Variants in DCBLD2 observed in about 807,000 individuals in gnomAD.
DCBLD2 encodes the protein discoidin, CUB and LCCL domain containing 2.
In DCBLD2, 54 loss-of-function variants were observed where a neutral mutation model predicts 86.8. That is an observed-to-expected ratio of 0.62 (90% CI 0.50 to 0.78). The LOEUF (loss-of-function observed/expected upper bound fraction) is 0.78, where lower values mean the gene tolerates loss of function less well. Among genes scored for constraint, DCBLD2 ranks in the 30% least tolerant of loss-of-function variants. The probability of loss-of-function intolerance (pLI) is 0.00; values close to 1 mark genes in which losing one functional copy is unlikely to be tolerated. For synonymous variants in DCBLD2, 354 were observed against 341.3 expected, an observed-to-expected ratio of 1.04 and a Z score of -0.41; for missense variants, 908 against 954.2, an observed-to-expected ratio of 0.95 and a Z score of 0.64.
chr3:98,887,520 A>T (rs1318031416), intron 1 of DCBLD2, among the ~76,000 whole-genome samples: 2 of 152,024 alleles, frequency 1.3e-5, no homozygotes, highest in Non-Finnish European at 1.5e-5. Flanking sequence ...TGTCCTCTTT[A>T]GCCCTGGTAA....
intron 2 of DCBLD2, among the ~76,000 whole-genome samples, chr3:98,878,524 T>G (rs905470619): frequency 1.3e-5 from 2 of 152,238 alleles, no homozygotes; most frequent in Non-Finnish European, 2.9e-5. Flanking sequence ...AGTGACATTA[T>G]CCCTGAAATC....
Position 98,834,506 on chromosome 3 carries a change from T to C in DCBLD2, c.572-9140A>G, listed in dbSNP as rs551039691. 1.8e-4 allele frequency among the ~76,000 whole-genome samples: 27 copies of C among 152,310 alleles called. No individual in the cohort carries two copies. The East Asian group carries it at 5.0e-3, about 28-fold the overall frequency. ...ACCACCAGTCTATTCTCTAACTTCA[T>C]GAGATTTACGTTTTTAGCTCCCAAA... is the stretch of plus-strand genomic sequence containing the variant. On this transcript the variant is annotated intron_variant, in intron 3 of 15. Transcript: ENST00000326840.
intron 2 of DCBLD2, among the ~76,000 whole-genome samples, chr3:98,870,745 GAA>G (rs1253384775): frequency 3.1e-4 from 25 of 79,604 alleles, no homozygotes; most frequent in Non-Finnish European, 5.8e-4. Flanking sequence ...GAAAAAGAAA[GAA>G]AGAAAGAAAG....
At chr3:98,894,967 A>G (rs895945656) in intron 1 of DCBLD2, among the ~76,000 whole-genome samples, 3 of 152,138 alleles carry the variant, frequency 2.0e-5, no homozygotes, top group African/African-American at 7.2e-5. Flanking sequence ...AGAACTCTTC[A>G]TAAAGGGATG....
At chr3:98,895,767 T>C (rs1943741608) in intron 1 of DCBLD2, among the ~76,000 whole-genome samples, 1 of 152,194 alleles carries the variant, frequency 6.6e-6, no homozygotes, top group Non-Finnish European at 1.5e-5. Flanking sequence ...TATTATTATA[T>C]ATATTCCAAC....
chr3:98,891,294 A>T (rs777108384), intron 1 of DCBLD2, among the ~76,000 whole-genome samples: 23 of 152,012 alleles, frequency 1.5e-4, no homozygotes, highest in Non-Finnish European at 3.1e-4. Context: ...CTGGTGAATG[A>T]GAGAAGTGGA....
chr3:98,887,900 G>C (rs950710471), intron 1 of DCBLD2, among the ~76,000 whole-genome samples: 1 of 151,890 alleles, frequency 6.6e-6, no homozygotes, highest in African/African-American at 2.4e-5. Flanking sequence ...CTATAGGTCT[G>C]GACAAATATA....
At chr3:98,882,475 C>T (rs371806752) in intron 1 of DCBLD2, among the ~76,000 whole-genome samples, 27 of 151,778 alleles carry the variant, frequency 1.8e-4, no homozygotes, top group Admixed American at 7.9e-4. Flanking sequence ...GTGCACAATG[C>T]GCAGGTTACA....
At chr3:98,801,433 G>C in intron 14 of DCBLD2, 167 bp downstream of exon 14, 1 of 474,130 alleles carries the variant, frequency 2.1e-6, no homozygotes, top group Non-Finnish European at 3.7e-6. Flanking sequence ...AATTACAAGA[G>C]ACTTTGCAGA....
At chr3:98,870,749 G>GAAAGAAAGAAAAGAAAGAAAGAAAGAA (rs1553731661) in intron 2 of DCBLD2, among the ~76,000 whole-genome samples, 1 of 111,204 alleles carries the variant, frequency 9.0e-6, no homozygotes, top group Non-Finnish European at 1.9e-5. Flanking sequence ...AAGAAAGAAA[G>GAAAGAAAGAAAAGAAAGAAAGAAAGAA]AAAGAAAGAA....
intron 6 of DCBLD2, among the ~76,000 whole-genome samples, chr3:98,820,550 A>G (rs2107446365): frequency 6.6e-6 from 1 of 152,326 alleles, no homozygotes; most frequent in Non-Finnish European, 1.5e-5. Context: ...AAAGTTCTCT[A>G]TGTAATCTTT....
chr3:98,804,336 A>C (rs903384187), intron 13 of DCBLD2, among the ~76,000 whole-genome samples: 1 of 151,980 alleles, frequency 6.6e-6, no homozygotes, highest in Non-Finnish European at 1.5e-5. Context: ...ATTTGCATAG[A>C]GGTGTTTGTA....
intron 3 of DCBLD2, among the ~76,000 whole-genome samples, chr3:98,838,496 G>A (rs1007792877): frequency 1.4e-5 from 2 of 146,956 alleles, no homozygotes; most frequent in African/African-American, 5.0e-5. Context: ...GATGGCAGCT[G>A]GGAAGAGGCG....
intron 2 of DCBLD2, among the ~76,000 whole-genome samples, chr3:98,867,365 C>T (rs1269406875): frequency 6.6e-6 from 1 of 152,062 alleles, no homozygotes; most frequent in Non-Finnish European, 1.5e-5. Flanking sequence ...CATTTGTGTC[C>T]TCTTTTATTT....
At chr3:98,822,153 C>T (rs746639977) in intron 6 of DCBLD2, 75 bp downstream of exon 6, 1 of 1,541,610 alleles carries the variant, frequency 6.5e-7, no homozygotes, top group South Asian at 1.1e-5. Context: ...TGAGATCTAG[C>T]TAGTTCTTAG....
At chr3:98,895,854 G>A (rs2107534160) in intron 1 of DCBLD2, among the ~76,000 whole-genome samples, 1 of 152,236 alleles carries the variant, frequency 6.6e-6, no homozygotes, top group South Asian at 2.1e-4. Flanking sequence ...AATGTCTCAG[G>A]ACTATACTGA....
At chr3:98,841,869 T>C (rs1235219066) in intron 3 of DCBLD2, among the ~76,000 whole-genome samples, 2 of 152,128 alleles carry the variant, frequency 1.3e-5, no homozygotes, top group African/African-American at 2.4e-5. Context: ...GAGACCATCC[T>C]GGCTAACACA....
intron 2 of DCBLD2, among the ~76,000 whole-genome samples, chr3:98,864,838 G>T (rs550106729): frequency 6.6e-6 from 1 of 152,038 alleles, no homozygotes; most frequent in South Asian, 2.1e-4. Flanking sequence ...ACGTATCCTA[G>T]AACTTAAATA....
intron 2 of DCBLD2, among the ~76,000 whole-genome samples, chr3:98,865,712 A>T (rs1442399315): frequency 1.3e-5 from 2 of 151,972 alleles, no homozygotes; most frequent in African/African-American, 4.8e-5. Flanking sequence ...TTCTTTTTTT[A>T]TATATATATT....
Sources: allele counts gnomAD v4.1 joint callset (sites outside exome capture counted in the v4.1 genomes callset), GRCh38; gene constraint gnomAD v4.1.1; transcripts MANE v1.5; gene names NCBI Gene and HGNC (gene_info 2026-07-23, HGNC 2026-07-21).